Variants in RBM33 observed in about 807,000 individuals in gnomAD.
RBM33 encodes the protein RNA-binding protein 33.
RBM33 carries 28 observed loss-of-function variants against 132.6 expected under a neutral mutation model. The ratio of observed to expected loss-of-function variants is 0.21; its 90% CI spans 0.16 to 0.29. RBM33 has a LOEUF of 0.29. RBM33 is among the 10% of genes least tolerant of loss of function. The pLI is 1.00. For missense variants in RBM33, 1,291 were observed against 1,518.5 expected (o/e 0.85, Z 2.49); for synonymous variants, 634 against 593.0 (o/e 1.07, Z -1.01).
Position 155,738,323 on chromosome 7 carries a change from C to T in RBM33, c.1657C>T (p.Pro553Ser). The T allele has an allele frequency of 6.2e-7, 1 of 1,613,988 alleles. No homozygotes were observed. ...FSQPGSATTR[P>S]FIPPRQPFLP... is the part of the protein sequence containing the mutation. ...CCAGCCTGGGTCGGCAACCACACGG[C>T]CCTTCATTCCTCCTAGACAGCCGTT... Residue 553 changes from proline to serine, a missense_variant, in exon 11 of 18, where the codon CCC becomes TCC. Pro to Ser is a moderately conservative substitution (Grantham distance 74, BLOSUM62 -1). This residue lies in a region of RBM33 where 841 missense variants were observed against 912.0 expected (regional missense o/e 0.92). Coordinates refer to ENST00000401878, the MANE Select transcript of RBM33 (RefSeq NM_053043.3).
At chr7:155,682,173 G>A (rs1799355511) in intron 5 of RBM33, among the ~76,000 whole-genome samples, 2 of 152,042 alleles carry the variant, frequency 1.3e-5, no homozygotes, top group South Asian at 2.1e-4. Context: ...CGCCCGCCTC[G>A]TCCTCCCAAA....
At chr7:155,708,260 T>C (rs1027415220) in intron 7 of RBM33, among the ~76,000 whole-genome samples, 2 of 152,238 alleles carry the variant, frequency 1.3e-5, no homozygotes, top group African/African-American at 4.8e-5. Context: ...TACGAGGAAC[T>C]GCTGTTTGCT....
chr7:155,761,123 G>C (rs992126606), intron 14 of RBM33, among the ~76,000 whole-genome samples: 1 of 152,202 alleles, frequency 6.6e-6, no homozygotes, highest in Non-Finnish European at 1.5e-5. Flanking sequence ...GGTTAACCGG[G>C]GGGGTGTTAA....
intron 8 of RBM33, 115 bp downstream of exon 8, chr7:155,711,570 C>T (rs1031392066): frequency 1.0e-5 from 6 of 579,634 alleles, no homozygotes; most frequent in Non-Finnish European, 1.7e-5. Context: ...AAGCAGTATG[C>T]GTTCAGAAGA....
intron 8 of RBM33, among the ~76,000 whole-genome samples, chr7:155,712,446 C>G (rs2116979514): frequency 6.6e-6 from 1 of 152,338 alleles, no homozygotes; most frequent in African/African-American, 2.4e-5. Flanking sequence ...ATATTACTTT[C>G]TATCAGACAG....
intron 13 of RBM33, 48 bp downstream of exon 13, chr7:155,742,154 T>A: frequency 6.6e-7 from 1 of 1,524,176 alleles, no homozygotes; most frequent in Non-Finnish European, 8.9e-7. Context: ...ACAAGAAGCC[T>A]TAGAATCAAC....
chr7:155,661,024 G>A (rs10234032), intron 1 of RBM33, among the ~76,000 whole-genome samples: 1,972 of 150,800 alleles, frequency 0.013, 45 homozygotes, highest in African/African-American at 0.045. Context: ...CCCCTCTAAT[G>A]AACTCATTTT....
At chr7:155,673,710 G>A (rs1255832251) in intron 3 of RBM33, among the ~76,000 whole-genome samples, 3 of 124,898 alleles carry the variant, frequency 2.4e-5, no homozygotes, top group East Asian at 2.5e-4. Flanking sequence ...ACATACACAC[G>A]TGTATATATA....
At position 155,777,157 on chromosome 7, in the gene RBM33, G is replaced by C. The variant is rs1036500787; in HGVS notation, c.*2116G>C. The C allele has an allele frequency of 6.6e-6, 1 of 152,456 alleles. No individual in the cohort carries two copies. The highest frequency in any genetic ancestry group is 1.5e-5 in the Non-Finnish European group (1 of 68,016). The allele number at this position is 152,456 out of a possible 1,614,324, so 9.4% of individuals were successfully genotyped here. A position where few individuals can be genotyped will look rare whatever the true frequency, so the allele number is the denominator to read the frequency against. ...ATTGAAACAGACTTTTTTGTAGTCA[G>C]TGTTAATAAAACGGATCCTGTTTGG... is the stretch of plus-strand genomic sequence containing the variant. On this transcript the variant is annotated 3_prime_UTR_variant, in exon 18 of 18. Coordinates refer to ENST00000401878, the MANE Select transcript of RBM33 (RefSeq NM_053043.3).
chr7:155,751,681 G>A (rs1040676858), intron 14 of RBM33, among the ~76,000 whole-genome samples: 1 of 152,224 alleles, frequency 6.6e-6, no homozygotes, highest in African/African-American at 2.4e-5. Flanking sequence ...ATTCAGTTGG[G>A]AGGTTTGTCC....
intron 15 of RBM33, among the ~76,000 whole-genome samples, chr7:155,765,631 C>T (rs958877282): frequency 8.5e-5 from 13 of 152,168 alleles, no homozygotes; most frequent in African/African-American, 3.1e-4. Context: ...TAGTGCCGTC[C>T]ATCACCACCC....
At chr7:155,728,613 T>C (rs1206166609) in intron 9 of RBM33, among the ~76,000 whole-genome samples, 3 of 152,226 alleles carry the variant, frequency 2.0e-5, no homozygotes, top group African/African-American at 7.2e-5. Context: ...CTTTTACTTA[T>C]TAAAGCCTGC....
At chr7:155,698,229 TGG>T (rs1338132003) in intron 5 of RBM33, among the ~76,000 whole-genome samples, 7 of 152,008 alleles carry the variant, frequency 4.6e-5, no homozygotes, top group Non-Finnish European at 8.8e-5. Context: ...TAGCCTGGCG[TGG>T]TGGTGGACGC....
Position 155,657,854 on chromosome 7 carries a change from G to A in RBM33, c.44-7321G>A, listed in dbSNP as rs150444417. Among the ~76,000 whole-genome samples, 7 of 130,730 alleles carry A rather than the reference G, an allele frequency of 5.4e-5. No individual in the cohort carries two copies. The East Asian group carries it at 1.6e-3, about 31-fold the overall frequency. The allele number at this position is 130,730 out of a possible 152,430, so 85.8% of individuals were successfully genotyped here. Reference sequence around the variant, plus strand: ...GTTTTCATGAAGCATGACTTTTGATGTTTTAAAATTCATTAAGAACTATTT... The same window carrying A: ...GTTTTCATGAAGCATGACTTTTGATATTTTAAAATTCATTAAGAACTATTT... On this transcript the variant is annotated intron_variant, in intron 1 of 17. Coordinates refer to ENST00000401878, the MANE Select transcript of RBM33 (RefSeq NM_053043.3).
At chr7:155,754,558 A>G (rs1801786450) in intron 14 of RBM33, among the ~76,000 whole-genome samples, 1 of 152,096 alleles carries the variant, frequency 6.6e-6, no homozygotes, top group South Asian at 2.1e-4. Flanking sequence ...TACTTTTTAG[A>G]CTGGTAGATT....
intron 1 of RBM33, among the ~76,000 whole-genome samples, chr7:155,656,546 G>C (rs1798496069): frequency 6.6e-6 from 1 of 151,998 alleles, no homozygotes; most frequent in Non-Finnish European, 1.5e-5. Flanking sequence ...TTTCTTTCAT[G>C]TGTTTCAGTC....
rs912227106 is a variant in RBM33 at position 155,725,300 on chromosome 7, C to T, written c.1260+6857C>T. ...TGAATAAAAAAAAATTGAGTGATCA[C>T]TATATTCCACAGTGTGTTCAGCCTG... On this transcript the variant is annotated intron_variant, in intron 9 of 17. Coordinates refer to ENST00000401878, the MANE Select transcript of RBM33 (RefSeq NM_053043.3). Among the ~76,000 whole-genome samples the T allele has an allele frequency of 2.8e-5, 4 of 144,414 alleles. No individual in the cohort carries two copies. In the South Asian group the frequency reaches 8.9e-4, roughly 32 times the overall value. 94.7% of individuals were successfully genotyped at this position (144,414 alleles called of 152,430 possible).
chr7:155,648,242 A>G (rs1480401921), intron 1 of RBM33, among the ~76,000 whole-genome samples: 1 of 152,220 alleles, frequency 6.6e-6, no homozygotes, highest in African/African-American at 2.4e-5. Context: ...AACAAATCCT[A>G]GGCTGGTAAA....
At chr7:155,766,908 A>G (rs1802240467) in intron 16 of RBM33, 1 of 505,538 alleles carries the variant, frequency 2.0e-6, no homozygotes, top group South Asian at 2.6e-5. Context: ...ATCCTTTGAG[A>G]TCCTTTTAAT....
Sources: gnomAD v4.1 joint callset for allele counts (sites outside exome capture counted in the v4.1 genomes callset) on GRCh38, gnomAD v4.1.1 for gene constraint, gnomAD v4.1.1 regional missense constraint, MANE v1.5 for transcripts, NCBI Gene and HGNC (gene_info 2026-07-23, HGNC 2026-07-21) for gene names.